STK33: variants seen among roughly 807,000 people sequenced by gnomAD.
STK33 encodes the protein serine/threonine-protein kinase 33.
Under a neutral mutation model 58.0 loss-of-function variants are expected in STK33, and 52 were observed. The observed-to-expected ratio is 0.90, with a 90% CI of 0.72 to 1.13. The LOEUF is 1.13. Among genes scored for constraint, STK33 ranks in the 50% most tolerant of loss-of-function variants. The pLI is 0.00. For missense variants in STK33, 630 were observed against 604.2 expected (o/e 1.04, Z -0.45); for synonymous variants, 215 against 200.1 (o/e 1.07, Z -0.63).
At chr11:8,412,569 C>T (rs1450040231) in intron 15 of STK33, among the ~76,000 whole-genome samples, 1 of 152,160 alleles carries the variant, frequency 6.6e-6, no homozygotes, top group Non-Finnish European at 1.5e-5. Context: ...TGCTGCACCT[C>T]CCTGAATCTG....
At chr11:8,415,826 C>T (rs760717439) in intron 14 of STK33, among the ~76,000 whole-genome samples, 49 of 152,088 alleles carry the variant, frequency 3.2e-4, no homozygotes, top group Non-Finnish European at 6.5e-4. Flanking sequence ...GCAGTTCTTG[C>T]GCTGCACAGT....
chr11:8,571,803 A>G (rs1957826946), intron 1 of STK33, among the ~76,000 whole-genome samples: 2 of 151,124 alleles, frequency 1.3e-5, no homozygotes, highest in Admixed American at 6.6e-5. Context: ...ACTGCACTCC[A>G]GCCTGGGCGA....
the STK33 span, among the ~76,000 whole-genome samples, chr11:8,386,068 C>T: frequency 2.5e-4 from 38 of 152,334 alleles, 1 homozygote; most frequent in Non-Finnish European, 2.4e-4. Context: ...CCACCGCGCC[C>T]GGCCAATCCA....
At chr11:8,523,499 C>T (rs899146620) in intron 1 of STK33, among the ~76,000 whole-genome samples, 1 of 142,816 alleles carries the variant, frequency 7.0e-6, no homozygotes, top group Admixed American at 7.0e-5. Flanking sequence ...GTCTGAGAAG[C>T]GAGGAGCCCC....
intron 11 of STK33, among the ~76,000 whole-genome samples, chr11:8,452,150 C>A (rs182689743): frequency 5.9e-5 from 9 of 152,148 alleles, no homozygotes; most frequent in African/African-American, 1.9e-4. Context: ...TTGCAGTGAG[C>A]CCAGACTGCG....
At chr11:8,487,886 C>T (rs1453619144) in intron 1 of STK33, among the ~76,000 whole-genome samples, 3 of 152,186 alleles carry the variant, frequency 2.0e-5, no homozygotes, top group Admixed American at 2.0e-4. Context: ...ACCCAAAAAG[C>T]ATGCATGTGT....
the STK33 span, among the ~76,000 whole-genome samples, chr11:8,344,229 A>ACACACACACACACCCC: frequency 6.6e-6 from 1 of 150,376 alleles, no homozygotes; most frequent in Non-Finnish European, 1.5e-5. Flanking sequence ...ACACACACAC[A>ACACACACACACACCCC]CCCCAGTTAG....
At chr11:8,462,526 C>T (rs543443233) in intron 7 of STK33, among the ~76,000 whole-genome samples, 3 of 151,442 alleles carry the variant, frequency 2.0e-5, no homozygotes, top group South Asian at 2.1e-4. Context: ...ATTCTACACT[C>T]GGCTCTGCAC....
chr11:8,397,253 C>T (rs1013574832), intron 15 of STK33, among the ~76,000 whole-genome samples: 8 of 152,176 alleles, frequency 5.3e-5, no homozygotes, highest in Admixed American at 1.3e-4. Context: ...GGGTACTCCT[C>T]GGAGACAAAA....
chr11:8,337,223 G>A, the STK33 span, among the ~76,000 whole-genome samples: 6 of 152,194 alleles, frequency 3.9e-5, no homozygotes, highest in Non-Finnish European at 7.3e-5. Flanking sequence ...CTAAATTACC[G>A]TCCTCTTCAG....
chr11:8,418,860 T>C (rs1941504183), intron 14 of STK33, among the ~76,000 whole-genome samples: 1 of 152,178 alleles, frequency 6.6e-6, no homozygotes, highest in Non-Finnish European at 1.5e-5. Flanking sequence ...TTGAGCTTTT[T>C]TCGTATGCTT....
At chr11:8,488,205 T>G (rs1404566499) in intron 1 of STK33, among the ~76,000 whole-genome samples, 2 of 152,144 alleles carry the variant, frequency 1.3e-5, no homozygotes, top group Admixed American at 6.5e-5. Context: ...GATTTGTAAT[T>G]GTTGAAAATA....
At chr11:8,390,173 C>G (rs949292284), downstream of STK33, among the ~76,000 whole-genome samples, 11 of 152,192 alleles carry the variant, frequency 7.2e-5, no homozygotes, top group African/African-American at 1.9e-4. Context: ...CCCCAGCTTG[C>G]CTGCATTCCT....
chr11:8,337,999 C>T, the STK33 span, among the ~76,000 whole-genome samples: 2 of 152,180 alleles, frequency 1.3e-5, no homozygotes, highest in African/African-American at 2.4e-5. Flanking sequence ...CCTCACTCAT[C>T]GTAATTGACA....
At chr11:8,544,537 AT>A (rs1207104140) in intron 1 of STK33, among the ~76,000 whole-genome samples, 1 of 151,554 alleles carries the variant, frequency 6.6e-6, no homozygotes, top group East Asian at 1.9e-4. Flanking sequence ...CTACATAATA[AT>A]TTTGTAAGGA....
chr11:8,385,932 G>A, the STK33 span, among the ~76,000 whole-genome samples: 3 of 151,924 alleles, frequency 2.0e-5, no homozygotes, highest in Non-Finnish European at 2.9e-5. Flanking sequence ...CCGCCACCAC[G>A]CCCGGCTAAT....
intron 10 of STK33, among the ~76,000 whole-genome samples, chr11:8,453,629 T>C (rs553382925): frequency 6.6e-6 from 1 of 152,224 alleles, no homozygotes; most frequent in East Asian, 1.9e-4. Context: ...ATATTCAGTA[T>C]GTGGCTTTGG....
intron 11 of STK33, among the ~76,000 whole-genome samples, chr11:8,448,304 A>T (rs1203634414): frequency 6.6e-6 from 1 of 152,196 alleles, no homozygotes; most frequent in African/African-American, 2.4e-5. Flanking sequence ...TATGGAGCCA[A>T]AAAAGAGCCC....
chr11:8,495,741 A>G (rs960175577), intron 1 of STK33, among the ~76,000 whole-genome samples: 2 of 152,226 alleles, frequency 1.3e-5, no homozygotes, highest in Non-Finnish European at 2.9e-5. Context: ...AATGTGGCAC[A>G]TAAACACCAT....
Sources: gnomAD v4.1 joint callset for allele counts (sites outside exome capture counted in the v4.1 genomes callset) on GRCh38, gnomAD v4.1.1 for gene constraint, MANE v1.5 for transcripts, NCBI Gene and HGNC (gene_info 2026-07-23, HGNC 2026-07-21) for gene names.